The following WDTC1 variants were observed in gnomAD, a reference collection of about 807,000 sequenced individuals.
WDTC1 encodes WD and tetratricopeptide repeats protein 1.
A neutral mutation model predicts 76.0 loss-of-function variants in WDTC1; 12 were observed. The ratio of observed to expected loss-of-function variants is 0.16; its 90% confidence interval spans 0.10 to 0.26. WDTC1 has a LOEUF of 0.26. Among genes scored for constraint, WDTC1 ranks in the 10% least tolerant of loss-of-function variants. The pLI is 1.00. For synonymous variants in WDTC1, 326 were observed against 350.8 expected (o/e 0.93, Z 0.79); for missense variants, 511 against 908.8 (o/e 0.56, Z 5.63).
At chr1:27,235,100 C>T (rs868638143) in intron 1 of WDTC1, 149 bp downstream of exon 1, 1 of 299,014 alleles carries the variant, frequency 3.3e-6, no homozygotes, top group Admixed American at 5.1e-5. Flanking sequence ...CCCCGGGTGT[C>T]CCGAGAGGGG....
At chr1:27,249,584 A>G (rs2011966678) in intron 1 of WDTC1, among the ~76,000 whole-genome samples, 2 of 151,848 alleles carry the variant, frequency 1.3e-5, no homozygotes, top group South Asian at 4.2e-4. Flanking sequence ...ATGCTGCTCT[A>G]AACTTTTTTT....
At chr1:27,252,822 A>T (rs1458480389) in intron 1 of WDTC1, among the ~76,000 whole-genome samples, 2 of 151,718 alleles carry the variant, frequency 1.3e-5, no homozygotes. Context: ...AAAAAAAAAA[A>T]GTTACTTGTG....
rs1284946155 is a variant in WDTC1, at chr1:27,287,788, C to T, written c.406C>T (p.Arg136Trp). 2.5e-6 allele frequency: 4 copies of T among 1,614,048 alleles called. No homozygotes were observed. The highest frequency in any genetic ancestry group is 1.7e-5 in the Admixed American group (1 of 60,010). ...TIHMFGDHTN[R>W]VKRIATAPMW... The stretch of plus-strand genomic sequence containing the variant: ...CCACATGTTTGGAGACCACACAAAC[C>T]GGGTGAAGCGCATCGCCACAGCGCC... Residue 136 changes from arginine (R) to tryptophan (W), a missense_variant, in exon 6 of 16, where the codon CGG becomes TGG. Physicochemically the swap from Arg to Trp is moderately radical, Grantham distance 101. Transcript: ENST00000319394.
intron 3 of WDTC1, among the ~76,000 whole-genome samples, chr1:27,280,045 TGAGACACA>T (rs904519327): frequency 2.6e-5 from 4 of 152,252 alleles, no homozygotes; most frequent in African/African-American, 4.8e-5. Context: ...ATGTAGAGCC[TGAGACACA>T]GAGAGGTTAA....
intron 1 of WDTC1, among the ~76,000 whole-genome samples, chr1:27,244,666 C>G (rs1391977724): frequency 3.3e-5 from 5 of 152,162 alleles, no homozygotes; most frequent in Non-Finnish European, 4.4e-5. Flanking sequence ...TTCCAATGAC[C>G]TTTATGCATT....
intron 12 of WDTC1, among the ~76,000 whole-genome samples, chr1:27,298,575 C>G (rs2013751429): frequency 6.6e-6 from 1 of 152,200 alleles, no homozygotes; most frequent in Non-Finnish European, 1.5e-5. Flanking sequence ...TTCTTAGACC[C>G]TTTGGACTGA....
intron 9 of WDTC1, among the ~76,000 whole-genome samples, chr1:27,295,933 T>C (rs2013671487): frequency 6.6e-6 from 1 of 152,112 alleles, no homozygotes; most frequent in Non-Finnish European, 1.5e-5. Context: ...ACCTGGCTAG[T>C]TTTTGTATTT....
intron 1 of WDTC1, among the ~76,000 whole-genome samples, chr1:27,253,521 T>C (rs565072501): frequency 1.3e-5 from 2 of 148,852 alleles, no homozygotes; most frequent in African/African-American, 2.5e-5. Flanking sequence ...TTTCTTTTTT[T>C]TTTTTTTAAC....
intron 5 of WDTC1, 116 bp from the exon 6 acceptor site, chr1:27,287,558 G>GAGA (rs2013376269): frequency 3.3e-6 from 4 of 1,217,022 alleles, no homozygotes; most frequent in Admixed American, 4.7e-5. Context: ...AGCCTGCATG[G>GAGA]GCTCATTCTC....
At position 27,305,368 on chromosome 1, in the gene WDTC1, C is replaced by T. The variant is rs114477941; in HGVS notation, c.1836+175C>T. ...ATTCCAGAAGCTCCAAATGCAGCAG[C>T]AATTCTCCAGAAGCTGTGCAGAGGC... On this transcript the variant is annotated intron_variant, in intron 15 of 15. Coordinates refer to ENST00000319394, the MANE Select transcript of WDTC1 (RefSeq NM_001276252.2). The surrounding 1 kb of genome is among the most constrained non-coding windows in gnomAD (Gnocchi z 4.6). Among the ~76,000 whole-genome samples the T allele has an allele frequency of 9.2e-3, 1,395 of 152,286 alleles. 27 individuals are homozygous for T. Among genetic ancestry groups the T allele is most frequent in the African/African-American group, 0.032 (1,314 of 41,542 alleles).
intron 3 of WDTC1, among the ~76,000 whole-genome samples, chr1:27,267,665 A>C (rs1240252371): frequency 2.0e-5 from 3 of 152,086 alleles, no homozygotes; most frequent in African/African-American, 7.2e-5. Flanking sequence ...TTTTCTCACA[A>C]ATGTTAGCCT....
At chr1:27,240,715 G>A (rs576784643) in intron 1 of WDTC1, among the ~76,000 whole-genome samples, 58 of 152,178 alleles carry the variant, frequency 3.8e-4, no homozygotes, top group African/African-American at 1.3e-3. Context: ...AGTGGCTCAT[G>A]CCTGTAATCC....
rs533780707 is a variant in WDTC1 at position 27,305,085 on chromosome 1, C to G, written c.1728C>G (p.Leu576=). ...AGACCACCAACCTGGTCCGTGTGCT[C>G]CAAGGGGATGAGTCCATTGTCAACT... ...EKETTNLVRV[L]QGDESIVNCL... is the part of the protein sequence containing the mutation. Residue 576 remains leucine (L), a synonymous_variant, in exon 15 of 16, where the codon CTC becomes CTG. Coordinates refer to ENST00000319394, the MANE Select transcript of WDTC1 (RefSeq NM_001276252.2). This position sits in a 1 kb window ranked among gnomAD's most constrained non-coding sequence, Gnocchi z 4.6. 7.1e-5 allele frequency: 114 copies of G among 1,614,080 alleles called. 1 individual carries two copies. In the South Asian group the frequency reaches 1.2e-3, roughly 17 times the overall value.
chr1:27,296,355 G>A lies in WDTC1; in HGVS notation c.903G>A (p.Gln301=). ...QVYLFDLTYK[Q]RPYTFLLPRK... ...ATTTGTTTGACTTGACTTACAAGCA[G>A]CGGCCGTACACCTTCCTCTTGCCTA... Residue 301 remains glutamine, a synonymous_variant, in exon 10 of 16, where the codon CAG becomes CAA. Transcript: ENST00000319394. The A allele has an allele frequency of 3.1e-6, 5 of 1,614,040 alleles. No individual in the cohort carries two copies. Among genetic ancestry groups the A allele is most frequent in the Non-Finnish European group, 4.2e-6 (5 of 1,180,016 alleles).
At chr1:27,304,261 C>G (rs1351082493) in intron 14 of WDTC1, 1 of 165,758 alleles carries the variant, frequency 6.0e-6, no homozygotes, top group South Asian at 1.5e-4. Flanking sequence ...ATCCCCACCC[C>G]TCATTTGTAG....
At chr1:27,234,538 A>C (rs903097693), upstream of WDTC1, 24 of 360,618 alleles carry the variant, frequency 6.7e-5, no homozygotes, top group Admixed American at 4.7e-5. Flanking sequence ...CCGGCTAGCC[A>C]TTCTGGAAGC....
chr1:27,298,210 A>AG, intron 12 of WDTC1, 99 bp downstream of exon 12: 1 of 1,433,362 alleles, frequency 7.0e-7, no homozygotes, highest in Non-Finnish European at 9.3e-7. Flanking sequence ...CAAGGCATCC[A>AG]GGGAAAGTGG....
At chr1:27,236,026 C>T (rs1434057611) in intron 1 of WDTC1, among the ~76,000 whole-genome samples, 1 of 152,114 alleles carries the variant, frequency 6.6e-6, no homozygotes, top group East Asian at 1.9e-4. Context: ...GACTCAAAGA[C>T]GTTACGAAAT....
chr1:27,285,257 G>A (rs1411481937), intron 5 of WDTC1, among the ~76,000 whole-genome samples: 1 of 151,834 alleles, frequency 6.6e-6, no homozygotes, highest in East Asian at 1.9e-4. Flanking sequence ...GGCCAGTTTC[G>A]AACTCCTGAC....
Sources: gnomAD v4.1 joint callset for allele counts (sites outside exome capture counted in the v4.1 genomes callset) on GRCh38, gnomAD v4.1.1 for gene constraint, Gnocchi (gnomAD v3.1) non-coding constraint, MANE v1.5 for transcripts, NCBI Gene and HGNC (gene_info 2026-07-23, HGNC 2026-07-21) for gene names.